The following NUCB2 variants were observed in gnomAD, a reference collection of about 807,000 sequenced individuals.
NUCB2 encodes the protein nucleobindin-2.
A neutral mutation model predicts 57.9 loss-of-function variants in NUCB2; 48 were observed. The observed-to-expected ratio is 0.83, with a 90% CI of 0.66 to 1.05. The LOEUF (loss-of-function observed/expected upper bound fraction) is 1.05. Ranked by LOEUF, NUCB2 falls within the 50% of genes least tolerant of loss-of-function variation. The pLI, the probability that NUCB2 is intolerant of heterozygous loss-of-function variation, is 0.00. For synonymous variants in NUCB2, 139 were observed against 152.1 expected, an observed-to-expected ratio of 0.91 and a Z score of 0.64; for missense variants, 442 against 476.2, an observed-to-expected ratio of 0.93 and a Z score of 0.67.
chr11:17,290,011 C>T (rs1944654736), intron 2 of NUCB2, among the ~76,000 whole-genome samples: 1 of 152,172 alleles, frequency 6.6e-6, no homozygotes, highest in African/African-American at 2.4e-5. Flanking sequence ...TTGGTTTCTG[C>T]TATCTTCATT....
chr11:17,288,512 A>G (rs1471972770), intron 2 of NUCB2, among the ~76,000 whole-genome samples: 2 of 131,124 alleles, frequency 1.5e-5, no homozygotes, highest in Non-Finnish European at 3.2e-5. Context: ...CTTAAAGCCT[A>G]TTTATTTTAT....
intron 11 of NUCB2, among the ~76,000 whole-genome samples, chr11:17,316,664 C>G (rs1419628251): frequency 6.6e-6 from 1 of 152,110 alleles, no homozygotes; most frequent in Non-Finnish European, 1.5e-5. Flanking sequence ...AGTATATCAA[C>G]TTGTAACACA....
Position 17,307,998 on chromosome 11 carries a change from G to C in NUCB2, c.380-1574G>C, listed in dbSNP as rs375208477. Among the ~76,000 whole-genome samples, 52 of 152,196 alleles carry C rather than the reference G, an allele frequency of 3.4e-4. 1 individual carries two copies. In the South Asian group the frequency reaches 0.011, roughly 31 times the overall value. ...TATGTATTTCTCTTATTTTGAGTGA[G>C]GTTAAGGGTCTTTTTATATATTTCA... On this transcript the variant is annotated intron_variant, in intron 5 of 13. Transcript: ENST00000529010.
intron 5 of NUCB2, among the ~76,000 whole-genome samples, chr11:17,302,544 C>G (rs1251418814): frequency 6.6e-6 from 1 of 151,974 alleles, no homozygotes; most frequent in Admixed American, 6.6e-5. Flanking sequence ...AACACAAGAT[C>G]CAGACCATTT....
chr11:17,345,819 T>G (rs1952688098), intron 2 of NUCB2, among the ~76,000 whole-genome samples: 1 of 152,218 alleles, frequency 6.6e-6, no homozygotes, highest in African/African-American at 2.4e-5. Flanking sequence ...TCTTGGCTTA[T>G]TTAGATATTT....
chr11:17,282,254 A>ATT (rs1289280941), intron 1 of NUCB2, among the ~76,000 whole-genome samples: 65 of 107,896 alleles, frequency 6.0e-4, no homozygotes, highest in African/African-American at 2.4e-3. Flanking sequence ...ATATATATAT[A>ATT]TATATTTTTT....
chr11:17,283,526 T>A (rs957189564), intron 2 of NUCB2: 1 of 152,254 alleles, frequency 6.6e-6, no homozygotes, highest in African/African-American at 2.4e-5. Flanking sequence ...GGCAGAGATA[T>A]AAGTCTGACT....
intron 2 of NUCB2, among the ~76,000 whole-genome samples, chr11:17,348,327 T>TGG (rs1952928467): frequency 8.3e-6 from 1 of 120,096 alleles, no homozygotes; most frequent in Non-Finnish European, 1.7e-5. Context: ...GTGTTTTTTT[T>TGG]TTTTTTTTTT....
intron 2 of NUCB2, among the ~76,000 whole-genome samples, chr11:17,283,725 T>G (rs1214996115): frequency 6.6e-6 from 1 of 152,238 alleles, no homozygotes; most frequent in Non-Finnish European, 1.5e-5. Flanking sequence ...AGAGCTAACA[T>G]TTATTGAGCT....
At chr11:17,293,591 A>G (rs1261576196) in intron 2 of NUCB2, among the ~76,000 whole-genome samples, 1 of 152,250 alleles carries the variant, frequency 6.6e-6, no homozygotes, top group Non-Finnish European at 1.5e-5. Context: ...TAACTTAAAC[A>G]CAAATGTTTA....
At chr11:17,329,505 A>C (rs1207975493) in intron 11 of NUCB2, among the ~76,000 whole-genome samples, 1 of 152,208 alleles carries the variant, frequency 6.6e-6, no homozygotes, top group Non-Finnish European at 1.5e-5. Flanking sequence ...GGCTGCTTCA[A>C]ATGCTCCTAT....
chr11:17,301,691 T>G, intron 4 of NUCB2, 53 bp from the exon 5 acceptor site: 1 of 1,407,162 alleles, frequency 7.1e-7, no homozygotes, highest in Non-Finnish European at 1.0e-6. Context: ...CTGTTGCATT[T>G]GTCTAAAAAT....
intron 2 of NUCB2, among the ~76,000 whole-genome samples, chr11:17,285,349 C>T (rs545460242): frequency 3.9e-5 from 6 of 151,958 alleles, no homozygotes; most frequent in Non-Finnish European, 7.4e-5. Context: ...CCGAGGCGGG[C>T]GGATCACGAG....
intron 1 of NUCB2, among the ~76,000 whole-genome samples, chr11:17,281,141 T>G (rs1942479884): frequency 1.3e-5 from 2 of 151,952 alleles, no homozygotes; most frequent in African/African-American, 4.8e-5. Flanking sequence ...ATTTTATTTA[T>G]TTTTTTTAGA....
At chr11:17,324,174 T>C (rs918682507) in intron 11 of NUCB2, among the ~76,000 whole-genome samples, 1 of 152,188 alleles carries the variant, frequency 6.6e-6, no homozygotes, top group Non-Finnish European at 1.5e-5. Flanking sequence ...TCTTTTTTGA[T>C]ATAGACAGTT....
At chr11:17,317,599 A>G in intron 11 of NUCB2, 1 of 439,598 alleles carries the variant, frequency 2.3e-6, no homozygotes, top group South Asian at 1.6e-5. Context: ...TTCCATCTGA[A>G]ACAATCAAGA....
chr11:17,326,596 G>A (rs1420456575), intron 11 of NUCB2, among the ~76,000 whole-genome samples: 1 of 152,162 alleles, frequency 6.6e-6, no homozygotes, highest in Non-Finnish European at 1.5e-5. Flanking sequence ...TGGGATTACA[G>A]GCATGAGCCA....
chr11:17,312,472 C>T (rs1441787559), intron 10 of NUCB2, among the ~76,000 whole-genome samples: 4 of 150,690 alleles, frequency 2.7e-5, no homozygotes, highest in African/African-American at 4.9e-5. Flanking sequence ...GGCGCGACCT[C>T]GGCTCACTGC....
At chr11:17,338,890 C>T in intron 2 of NUCB2, among the ~76,000 whole-genome samples, 1 of 152,192 alleles carries the variant, frequency 6.6e-6, no homozygotes, top group East Asian at 1.9e-4. Context: ...TCTTGAACTC[C>T]TGACCTCAGG....
Sources: allele counts gnomAD v4.1 joint callset (sites outside exome capture counted in the v4.1 genomes callset), GRCh38; gene constraint gnomAD v4.1.1; transcripts MANE v1.5; gene names NCBI Gene and HGNC (gene_info 2026-07-23, HGNC 2026-07-21).